The following LUZP2 variants were observed in gnomAD, a reference collection of about 807,000 sequenced individuals.
The protein encoded by LUZP2 is leucine zipper protein 2.
Under a neutral mutation model 51.6 loss-of-function variants are expected in LUZP2, and 52 were observed. That is an observed-to-expected ratio of 1.01 (90% CI 0.81 to 1.27). The LOEUF (loss-of-function observed/expected upper bound fraction) is 1.27, where lower values mean the gene tolerates loss of function less well. Among genes scored for constraint, LUZP2 ranks in the 50% most tolerant of loss-of-function variants. The pLI, the probability that LUZP2 is intolerant of heterozygous loss-of-function variation, is 0.00. For synonymous variants in LUZP2, 154 were observed against 137.3 expected (o/e 1.12, Z -0.85); for missense variants, 436 against 395.4 (o/e 1.10, Z -0.87).
chr11:24,910,984 C>T (rs766320117), intron 6 of LUZP2, among the ~76,000 whole-genome samples: 2 of 152,244 alleles, frequency 1.3e-5, no homozygotes, highest in African/African-American at 2.4e-5. Flanking sequence ...GAGTCCACCT[C>T]GTATATCAGC....
At chr11:24,675,254 A>T (rs764103266) in intron 1 of LUZP2, among the ~76,000 whole-genome samples, 4 of 152,210 alleles carry the variant, frequency 2.6e-5, no homozygotes, top group Non-Finnish European at 4.4e-5. Context: ...TAACAGACAT[A>T]CAGAATCAAA....
At chr11:25,002,650 TA>T (rs1374691455) in intron 9 of LUZP2, among the ~76,000 whole-genome samples, 13 of 152,314 alleles carry the variant, frequency 8.5e-5, no homozygotes, top group African/African-American at 2.6e-4. Flanking sequence ...AGCCTTTTGC[TA>T]CTACATCAAT....
chr11:24,541,516 C>A (rs1389056240), intron 1 of LUZP2, among the ~76,000 whole-genome samples: 4 of 151,962 alleles, frequency 2.6e-5, no homozygotes, highest in Admixed American at 1.3e-4. Flanking sequence ...ACTTTCTCAC[C>A]TTTTACCATC....
At chr11:24,507,676 C>CA (rs1222921679) in intron 1 of LUZP2, among the ~76,000 whole-genome samples, 3 of 148,760 alleles carry the variant, frequency 2.0e-5, no homozygotes, top group Non-Finnish European at 3.0e-5. Flanking sequence ...AATAAAGAGG[C>CA]AAAAAAACCA....
chr11:24,822,714 G>A (rs371898576), intron 5 of LUZP2, among the ~76,000 whole-genome samples: 67 of 152,152 alleles, frequency 4.4e-4, no homozygotes, highest in African/African-American at 1.5e-3. Context: ...TCCATCTAGG[G>A]TAGTATTTCT....
intron 1 of LUZP2, among the ~76,000 whole-genome samples, chr11:24,566,947 A>T (rs371375254): frequency 6.9e-4 from 2 of 2,896 alleles, no homozygotes; most frequent in South Asian, 0.015. Context: ...ATACATAAAT[A>T]TATATATATA....
chr11:24,602,272 A>ATATG (rs1211280068), intron 1 of LUZP2, among the ~76,000 whole-genome samples: 1 of 138,808 alleles, frequency 7.2e-6, no homozygotes, highest in Non-Finnish European at 1.5e-5. Flanking sequence ...ATATGTACAT[A>ATATG]CATATATACA....
chr11:24,858,076 G>T (rs2403985), intron 5 of LUZP2, among the ~76,000 whole-genome samples: 4 of 152,046 alleles, frequency 2.6e-5, no homozygotes, highest in Non-Finnish European at 5.9e-5. Flanking sequence ...CTTTGGCATC[G>T]AATGACTAGA....
intron 7 of LUZP2, among the ~76,000 whole-genome samples, chr11:24,953,267 T>C (rs1016520525): frequency 2.0e-5 from 3 of 151,888 alleles, no homozygotes; most frequent in Non-Finnish European, 4.4e-5. Flanking sequence ...AACTAAACAA[T>C]TGGCTTAATC....
intron 1 of LUZP2, among the ~76,000 whole-genome samples, chr11:24,651,106 C>T (rs1266038206): frequency 6.6e-6 from 1 of 151,958 alleles, no homozygotes; most frequent in Non-Finnish European, 1.5e-5. Flanking sequence ...CCAACAATTC[C>T]AAGTTTATAA....
At chr11:24,581,243 C>A (rs986505992) in intron 1 of LUZP2, among the ~76,000 whole-genome samples, 1 of 151,148 alleles carries the variant, frequency 6.6e-6, no homozygotes, top group African/African-American at 2.4e-5. Flanking sequence ...TGAATACAAT[C>A]CTGTCATAAA....
chr11:24,693,239 T>TA (rs1226224185), intron 1 of LUZP2, among the ~76,000 whole-genome samples: 1 of 151,754 alleles, frequency 6.6e-6, no homozygotes, highest in East Asian at 1.9e-4. Flanking sequence ...GCATGGTTTT[T>TA]ATACAGCATT....
intron 5 of LUZP2, among the ~76,000 whole-genome samples, chr11:24,877,919 T>A (rs1449495564): frequency 1.3e-5 from 2 of 152,170 alleles, no homozygotes; most frequent in Non-Finnish European, 2.9e-5. Flanking sequence ...ACCATCCATG[T>A]TGCTGTAAAT....
At chr11:24,986,621 C>G (rs936516707) in intron 9 of LUZP2, among the ~76,000 whole-genome samples, 2 of 150,316 alleles carry the variant, frequency 1.3e-5, no homozygotes, top group Admixed American at 1.3e-4. Context: ...AAAAAAGTGA[C>G]TAACATTTTT....
chr11:25,074,533 T>G (rs574914827), intron 10 of LUZP2, among the ~76,000 whole-genome samples: 2 of 152,184 alleles, frequency 1.3e-5, no homozygotes, highest in Non-Finnish European at 2.9e-5. Flanking sequence ...TAGTTGGTTG[T>G]GCTAGCATTA....
chr11:24,807,451 A>T (rs1235871744), intron 5 of LUZP2, among the ~76,000 whole-genome samples: 4 of 124,556 alleles, frequency 3.2e-5, no homozygotes, highest in Non-Finnish European at 6.7e-5. Context: ...ACAGAGTAAG[A>T]CTCCATCTCA....
At chr11:24,669,731 T>C (rs1017917241) in intron 1 of LUZP2, among the ~76,000 whole-genome samples, 3 of 152,094 alleles carry the variant, frequency 2.0e-5, no homozygotes, top group Non-Finnish European at 2.9e-5. Flanking sequence ...ATTTGAGGAA[T>C]TGTGCTTTTG....
chr11:24,651,552 G>A (rs903361792), intron 1 of LUZP2, among the ~76,000 whole-genome samples: 2 of 151,972 alleles, frequency 1.3e-5, no homozygotes, highest in Admixed American at 6.6e-5. Context: ...CAGTAATAAG[G>A]GAAAATAAGG....
At chr11:24,911,468 T>C (rs1448899484) in intron 6 of LUZP2, among the ~76,000 whole-genome samples, 1 of 152,130 alleles carries the variant, frequency 6.6e-6, no homozygotes, top group Non-Finnish European at 1.5e-5. Context: ...GTTTCTCCCA[T>C]GCTGTTCACT....
Sources: gnomAD v4.1 joint callset for allele counts (sites outside exome capture counted in the v4.1 genomes callset) on GRCh38, gnomAD v4.1.1 for gene constraint, MANE v1.5 for transcripts, NCBI Gene and HGNC (gene_info 2026-07-23, HGNC 2026-07-21) for gene names.